Variants in CCDC63 observed in about 807,000 individuals in gnomAD.
The protein encoded by CCDC63 is coiled-coil domain-containing protein 63.
In CCDC63, 54 loss-of-function variants were observed where a neutral mutation model predicts 63.6. That is an observed-to-expected ratio of 0.85 (90% CI 0.68 to 1.07). CCDC63 has a LOEUF of 1.07. Ranked by LOEUF, CCDC63 falls within the 50% of genes least tolerant of loss-of-function variation. The pLI, the probability that CCDC63 is intolerant of heterozygous loss-of-function variation, is 0.00. For synonymous variants in CCDC63, 253 were observed against 266.1 expected, an observed-to-expected ratio of 0.95 and a Z score of 0.48; for missense variants, 637 against 689.6, an observed-to-expected ratio of 0.92 and a Z score of 0.86.
In CCDC63 at chr12:110,852,954, G is replaced by A. The variant is rs766496362; in HGVS notation, c.-1G>A. On this transcript the variant is annotated 5_prime_UTR_variant, in exon 2 of 12. Coordinates refer to ENST00000308208, the MANE Select transcript of CCDC63 (RefSeq NM_152591.3). ...TGGAGGCAAAGTGCGGTTCCTTCAA[G>A]ATGTCTGTGGTAGGTGATGCCAGCT... is the stretch of plus-strand genomic sequence containing the variant. 45 of 1,614,190 alleles carry A rather than the reference G, an allele frequency of 2.8e-5. No individual in the cohort carries two copies. In the Middle Eastern group the frequency reaches 5.0e-4, roughly 18 times the overall value.
intron 4 of CCDC63, among the ~76,000 whole-genome samples, chr12:110,861,976 C>T (rs562581896): frequency 2.8e-4 from 43 of 152,268 alleles, no homozygotes; most frequent in African/African-American, 9.6e-4. Context: ...TAGGGCTTGA[C>T]GCCCCCTTCG....
chr12:110,844,526 C>T (rs1191150886), upstream of CCDC63, among the ~76,000 whole-genome samples: 1 of 152,214 alleles, frequency 6.6e-6, no homozygotes, highest in African/African-American at 2.4e-5. Flanking sequence ...AAAAGCATCT[C>T]CCTCTACCCC....
chr12:110,903,639 G>T (rs993989062), intron 10 of CCDC63, among the ~76,000 whole-genome samples: 2 of 152,220 alleles, frequency 1.3e-5, no homozygotes, highest in African/African-American at 4.8e-5. Context: ...GAATGAATGA[G>T]TGAGTGAATG....
intron 3 of CCDC63, among the ~76,000 whole-genome samples, chr12:110,857,182 A>G (rs757783706): frequency 3.3e-5 from 5 of 151,330 alleles, no homozygotes; most frequent in Non-Finnish European, 7.4e-5. Flanking sequence ...GCTGGAGTGC[A>G]GTGGCGCGAT....
rs2071449402 is a variant in CCDC63 at position 110,898,968 on chromosome 12, G to T, written c.1185G>T (p.Met395Ile). 1 of 1,612,132 alleles carries T rather than the reference G, an allele frequency of 6.2e-7. No individual in the cohort carries two copies. The highest frequency in any genetic ancestry group is 1.1e-5 in the South Asian group (1 of 90,548). The change falls in exon 10 of 12, where the codon ATG becomes ATT. Residue 395 changes from methionine to isoleucine, a missense_variant. Transcript: ENST00000308208. ...GGAAGACCACGGAGGAGGCAGATATGTATGAGAGCAAGTACGGGGAGGTCA... is the reference window on the plus strand; with the variant it reads ...GGAAGACCACGGAGGAGGCAGATATTTATGAGAGCAAGTACGGGGAGGTCA... Reference protein sequence around the residue: ...KLRKTTEEADMYESKYGEVSK... With the variant: ...KLRKTTEEADIYESKYGEVSK...
chr12:110,857,400 C>T (rs1428053008), intron 3 of CCDC63, among the ~76,000 whole-genome samples: 1 of 152,066 alleles, frequency 6.6e-6, no homozygotes, highest in African/African-American at 2.4e-5. Context: ...GCTGGGATTA[C>T]AGGCATAAGC....
chr12:110,860,095 G>A (rs1256663230), intron 4 of CCDC63, among the ~76,000 whole-genome samples: 1 of 152,254 alleles, frequency 6.6e-6, no homozygotes, highest in Non-Finnish European at 1.5e-5. Flanking sequence ...ACAAGGGTGT[G>A]GGCATGAGCA....
At chr12:110,904,481 C>G in intron 10 of CCDC63, 107 bp from the exon 11 acceptor site, 1 of 909,766 alleles carries the variant, frequency 1.1e-6, no homozygotes, top group South Asian at 1.5e-5. Context: ...TCCCGCACCT[C>G]CTGTACTTCC....
chr12:110,894,799 ATCTCCCTCGCC>A (rs2071398458), intron 9 of CCDC63, among the ~76,000 whole-genome samples: 1 of 152,206 alleles, frequency 6.6e-6, no homozygotes, highest in Admixed American at 6.5e-5. Flanking sequence ...AAAGCCAAAC[ATCTCCCTCGCC>A]TCTGCCTGAA....
At chr12:110,846,678 G>C (rs1310783218), upstream of CCDC63, 2 of 152,366 alleles carry the variant, frequency 1.3e-5, no homozygotes, top group Non-Finnish European at 2.9e-5. Flanking sequence ...ACGGTGAATG[G>C]GGTGTGAGTG....
intron 5 of CCDC63, among the ~76,000 whole-genome samples, chr12:110,878,923 C>T (rs925880935): frequency 1.3e-5 from 2 of 152,232 alleles, no homozygotes; most frequent in South Asian, 2.1e-4. Context: ...ATTTATAAGA[C>T]ATACAGGAAA....
rs572446560 is a variant in CCDC63 at position 110,877,389 on chromosome 12, T to A, written c.490-2517T>A. 3.1e-4 allele frequency among the ~76,000 whole-genome samples: 47 copies of A among 152,038 alleles called. 2 individuals are homozygous for A. Among genetic ancestry groups the A allele is most frequent in the South Asian group, 4.2e-4 (2 of 4,808 alleles). On this transcript the variant is annotated intron_variant, in intron 5 of 11. Transcript: ENST00000308208. ...CACCACACCCAGCTAATTTTTTGTA[T>A]TTTTAGTAGAGACAGGGTTTCACCA...
At chr12:110,872,854 T>C (rs1438086680) in intron 4 of CCDC63, among the ~76,000 whole-genome samples, 1 of 152,222 alleles carries the variant, frequency 6.6e-6, no homozygotes, top group Non-Finnish European at 1.5e-5. Flanking sequence ...CTCAAATTCC[T>C]GGTCTCAAGT....
intron 10 of CCDC63, among the ~76,000 whole-genome samples, chr12:110,903,891 C>T (rs1457033014): frequency 6.6e-6 from 1 of 152,108 alleles, no homozygotes; most frequent in African/African-American, 2.4e-5. Context: ...AGGTGGGGCT[C>T]CCAATTTTTA....
At chr12:110,885,877 A>T (rs16941056) in intron 8 of CCDC63, among the ~76,000 whole-genome samples, 4,479 of 152,344 alleles carry the variant, frequency 0.029, 199 homozygotes, top group African/African-American at 0.1. Context: ...TGATGAATTA[A>T]TTTTTAAAGG....
intron 9 of CCDC63, among the ~76,000 whole-genome samples, chr12:110,895,772 C>A (rs1466692628): frequency 6.6e-6 from 1 of 152,194 alleles, no homozygotes; most frequent in Non-Finnish European, 1.5e-5. Flanking sequence ...CACTGTAATG[C>A]AGAGAGCTGT....
chr12:110,903,196 AG>A (rs2071512894), intron 10 of CCDC63, among the ~76,000 whole-genome samples: 1 of 151,788 alleles, frequency 6.6e-6, no homozygotes, highest in African/African-American at 2.4e-5. Flanking sequence ...TTTTTTAGTA[AG>A]ACAGGGTTTC....
chr12:110,904,873 G>A (rs1442438036), intron 11 of CCDC63, 82 bp downstream of exon 11: 11 of 1,154,892 alleles, frequency 9.5e-6, no homozygotes, highest in Admixed American at 4.7e-5. Flanking sequence ...CCAGGTGCCC[G>A]AGAGGGTCTG....
chr12:110,891,417 G>A (rs964136094), intron 8 of CCDC63, among the ~76,000 whole-genome samples: 1 of 152,038 alleles, frequency 6.6e-6, no homozygotes, highest in Non-Finnish European at 1.5e-5. Flanking sequence ...TTGGGAGGCT[G>A]AGGCAGGAAG....
Sources: gnomAD v4.1 joint callset for allele counts (sites outside exome capture counted in the v4.1 genomes callset) on GRCh38, gnomAD v4.1.1 for gene constraint, MANE v1.5 for transcripts, NCBI Gene and HGNC (gene_info 2026-07-23, HGNC 2026-07-21) for gene names.